The following TAF9B variants were observed in gnomAD, a reference collection of about 807,000 sequenced individuals.
TAF9B encodes the protein TATA-box binding protein associated factor 9b, also known as transcription initiation factor TFIID subunit 9B.
TAF9B carries 47 observed loss-of-function variants against 17.6 expected under a neutral mutation model. The ratio of observed to expected loss-of-function variants is 2.68; its 90% confidence interval spans 2.12 to 3.41. The LOEUF (loss-of-function observed/expected upper bound fraction) is 3.41. Ranked by LOEUF, TAF9B falls within the 30% of genes most tolerant of loss-of-function variation. TAF9B has a pLI of 0.00. For synonymous variants in TAF9B, 84 were observed against 68.7 expected, an observed-to-expected ratio of 1.22 and a Z score of -1.10; for missense variants, 218 against 189.3, an observed-to-expected ratio of 1.15 and a Z score of -0.89.
rs782620091 is a variant in TAF9B at position 78,138,885 on chromosome X, A to G, written c.91T>C (p.Tyr31His). The G allele has an allele frequency of 1.7e-6, 2 of 1,208,945 alleles. No homozygotes were observed. The highest frequency in any genetic ancestry group is 1.1e-6 in the Non-Finnish European group (1 of 892,924). ...QILKDMGITE[Y>H]EPRVINQMLE... ...ATTTGATTTATAACCCTTGGTTCAT[A>G]CTCTGTGATTCCCATATCCTTCAGG... Residue 31 changes from tyrosine to histidine, a missense_variant, in exon 2 of 7, where the codon TAT becomes CAT. By Grantham distance (83) the Tyr-to-His change is moderately conservative. Coordinates refer to ENST00000341864, the MANE Select transcript of TAF9B (RefSeq NM_015975.5).
In TAF9B at chrX:78,137,789, A is replaced by T. The variant is rs782025834; in HGVS notation, c.365T>A (p.Leu122Ter). The T allele has an allele frequency of 8.3e-7, 1 of 1,205,670 alleles. No homozygotes were observed. The highest frequency in any genetic ancestry group is 2.2e-5 in the Admixed American group (1 of 44,962). The change falls in exon 4 of 7, where the codon TTA (leucine) becomes TAA (stop). Residue 122 changes from leucine (L) to a stop codon, truncating the protein, a stop_gained. Coordinates refer to ENST00000341864, the MANE Select transcript of TAF9B (RefSeq NM_015975.5). LOFTEE classifies it high-confidence loss of function. Reference sequence around the variant, plus strand: ...CTTCAGCCTATAGTTTGGAGCTGTTAAGCAGTATCTATCAGGTGGCAGTCT... The same window carrying T: ...CTTCAGCCTATAGTTTGGAGCTGTTTAGCAGTATCTATCAGGTGGCAGTCT... The part of the protein sequence containing the change: ...GPRLPPDRYC[L>*]TAPNYRLKSL...
rs1382371722 is a variant in TAF9B at position 78,130,697 on chromosome X, A to G, written c.*913T>C. The G allele has an allele frequency of 5.3e-5, 6 of 112,846 alleles. No individual in the cohort carries two copies. The highest frequency in any genetic ancestry group is 4.6e-3 in the Middle Eastern group (1 of 218). 9.3% of individuals were successfully genotyped at this position (112,846 alleles called of 1,213,427 possible). A position where few individuals can be genotyped will look rare whatever the true frequency, so the allele number is the denominator to read the frequency against. The stretch of plus-strand genomic sequence containing the variant: ...ATCAAAACATGTTTTAAGCTACAGC[A>G]TCTCTGTTAAATTTAGAAATGTGAA... On this transcript the variant is annotated 3_prime_UTR_variant, in exon 7 of 7. Transcript: ENST00000341864.
chrX:78,139,453 G>T, intron 1 of TAF9B, 108 bp downstream of exon 1: 1 of 1,108,666 alleles, frequency 9.0e-7, no homozygotes, highest in Admixed American at 2.3e-5. Context: ...GCCCTGACTA[G>T]ACTGAAACGA....
At position 78,131,426 on chromosome X, in the gene TAF9B, T is replaced by C. The variant is rs1294434092; in HGVS notation, c.*184A>G. The C allele has an allele frequency of 5.7e-6, 2 of 351,083 alleles. No homozygotes were observed. Among genetic ancestry groups the C allele is most frequent in the Non-Finnish European group, 4.9e-6 (1 of 204,211 alleles). The allele number at this position is 351,083 out of a possible 1,213,427, so 28.9% of individuals were successfully genotyped here. A position where few individuals can be genotyped will look rare whatever the true frequency, so the allele number is the denominator to read the frequency against. ...AAACAAGTACTTAACTGTTTGTAAT[T>C]GAAGCCTACTGAAAAACACATTTGT... On this transcript the variant is annotated 3_prime_UTR_variant, in exon 7 of 7. Coordinates refer to ENST00000341864, the MANE Select transcript of TAF9B (RefSeq NM_015975.5).
At chrX:78,135,871 TATA>T (rs2078432320) in intron 5 of TAF9B, among the ~76,000 whole-genome samples, 1 of 112,036 alleles carries the variant, frequency 8.9e-6, no homozygotes, top group Non-Finnish European at 1.9e-5. Context: ...TTACAAAGAT[TATA>T]ATGCAGATTT....
At position 78,129,870 on chromosome X, in the gene TAF9B, T is replaced by C. The variant is rs1399445751; in HGVS notation, c.*1740A>G. The C allele has an allele frequency of 4.5e-5, 5 of 112,002 alleles. No individual in the cohort carries two copies. Among genetic ancestry groups the C allele is most frequent in the African/African-American group, 1.6e-4 (5 of 30,694 alleles). The allele number at this position is 112,002 out of a possible 1,213,427, so 9.2% of individuals were successfully genotyped here. ...GAACCCTCACAACAGCCCTGTGAGGTAGGCAGGGTAGGTGTTACTTTCCTA... is the reference window on the plus strand; with the variant it reads ...GAACCCTCACAACAGCCCTGTGAGGCAGGCAGGGTAGGTGTTACTTTCCTA... On this transcript the variant is annotated 3_prime_UTR_variant, in exon 7 of 7. Transcript: ENST00000341864.
At position 78,138,874 on chromosome X, in the gene TAF9B, C is replaced by G. The variant is rs782060151; in HGVS notation, c.102G>C (p.Arg34Ser). 1.7e-6 allele frequency: 2 copies of G among 1,208,273 alleles called. No individual in the cohort carries two copies. Among genetic ancestry groups the G allele is most frequent in the Non-Finnish European group, 2.2e-6 (2 of 893,403 alleles). Residue 34 changes from arginine to serine, a missense_variant, in exon 2 of 7, where the codon AGG becomes AGC. By Grantham distance (110) the Arg-to-Ser change is moderately radical (BLOSUM62 -1). Coordinates refer to ENST00000341864, the MANE Select transcript of TAF9B (RefSeq NM_015975.5). Reference sequence around the variant, plus strand: ...CAAATTCCAACATTTGATTTATAACCCTTGGTTCATACTCTGTGATTCCCA... The same window carrying G: ...CAAATTCCAACATTTGATTTATAACGCTTGGTTCATACTCTGTGATTCCCA... The part of the protein sequence containing the change: ...KDMGITEYEP[R>S]VINQMLEFAF...
chrX:78,134,496 T>A (rs1391309698), intron 5 of TAF9B, among the ~76,000 whole-genome samples: 1 of 111,991 alleles, frequency 8.9e-6, no homozygotes, highest in Non-Finnish European at 1.9e-5. Context: ...GGATGCAGGC[T>A]TTCCAATACA....
chrX:78,134,487 G>A (rs1450854488), intron 5 of TAF9B, among the ~76,000 whole-genome samples: 1 of 111,603 alleles, frequency 9.0e-6, no homozygotes, highest in Non-Finnish European at 1.9e-5. Flanking sequence ...TTCATTTGGG[G>A]ATGCAGGCTT....
rs782507510 is a variant in TAF9B at position 78,131,197 on chromosome X, T to TAAAA, written c.*412_*413insTTTT. ...AGAGATTTGGTAAAAAAAAAAAAATTAGCTAGTGACAGTAAGTAACTATAT... is the reference window on the plus strand; with the variant it reads ...AGAGATTTGGTAAAAAAAAAAAAATTAAAAAGCTAGTGACAGTAAGTAACTATAT... On this transcript the variant is annotated 3_prime_UTR_variant, in exon 7 of 7. Coordinates refer to ENST00000341864, the MANE Select transcript of TAF9B (RefSeq NM_015975.5). 0.25 allele frequency: 26,226 copies of TAAAA among 106,905 alleles called. 2,844 individuals carry two copies. Among genetic ancestry groups the TAAAA allele is most frequent in the East Asian group, 0.35 (1,169 of 3,330 alleles). 8.8% of individuals were successfully genotyped at this position (106,905 alleles called of 1,213,427 possible).
chrX:78,131,695 T>G lies in TAF9B; in HGVS notation c.671A>C (p.Asn224Thr), dbSNP rs147812216. 4.1e-6 allele frequency: 5 copies of G among 1,210,101 alleles called. No homozygotes were observed. Among genetic ancestry groups the G allele is most frequent in the Middle Eastern group, 2.3e-4 (1 of 4,346 alleles). Residue 224 changes from asparagine to threonine, a missense_variant, in exon 7 of 7, where the codon AAC (asparagine) becomes ACC (threonine). Transcript: ENST00000341864. Reference sequence around the variant, plus strand: ...GGCTGTGTTCTGTGACGAAACCATGTTGGTGGTAATAAGAATATTTTTGGG... The same window carrying G: ...GGCTGTGTTCTGTGACGAAACCATGGTGGTGGTAATAAGAATATTTTTGGG... The part of the protein sequence containing the change: ...IGPKNILITT[N>T]MVSSQNTANE...
intron 4 of TAF9B, among the ~76,000 whole-genome samples, 179 bp from the exon 5 acceptor site, chrX:78,137,169 C>A (rs950619670): frequency 8.9e-6 from 1 of 112,117 alleles, no homozygotes; most frequent in African/African-American, 3.2e-5. Flanking sequence ...ATATATACAT[C>A]TCTATCTATA....
Position 78,137,709 on chromosome X carries a change from C to G in TAF9B, c.405+40G>C, listed in dbSNP as rs147901860. The G allele has an allele frequency of 1.2e-3, 1,385 of 1,152,027 alleles. 11 individuals carry two copies. The highest frequency in any genetic ancestry group is 5.4e-4 in the East Asian group (18 of 33,369). The allele number at this position is 1,152,027 out of a possible 1,213,427, so 94.9% of individuals were successfully genotyped here. A position where few individuals can be genotyped will look rare whatever the true frequency, so the allele number is the denominator to read the frequency against. On this transcript the variant is annotated intron_variant, in intron 4 of 6. Coordinates refer to ENST00000341864, the MANE Select transcript of TAF9B (RefSeq NM_015975.5). ...TTTTCACAAAGTCCCCTATCATATT[C>G]CACCTTTTAAAAAAAGAAAAGTTGA... is the stretch of plus-strand genomic sequence containing the variant.
chrX:78,136,470 A>G (rs1557250060), intron 5 of TAF9B, among the ~76,000 whole-genome samples: 2 of 112,557 alleles, frequency 1.8e-5, no homozygotes, highest in Admixed American at 9.4e-5. Flanking sequence ...TAAAAAGGTT[A>G]GTATTAAAAA....
chrX:78,136,903 C>A lies in TAF9B; in HGVS notation c.481+12G>T, dbSNP rs1569551046. Reference sequence around the variant, plus strand: ...TTACCAGCCAGAAATGCCATTGTCTCCTCTCACTTACCTATAGTAGGAGTA... The same window carrying A: ...TTACCAGCCAGAAATGCCATTGTCTACTCTCACTTACCTATAGTAGGAGTA... On this transcript the variant is annotated intron_variant, in intron 5 of 6. Coordinates refer to ENST00000341864, the MANE Select transcript of TAF9B (RefSeq NM_015975.5). The A allele has an allele frequency of 1.7e-6, 2 of 1,177,128 alleles. No homozygotes were observed. Among genetic ancestry groups the A allele is most frequent in the Non-Finnish European group, 2.3e-6 (2 of 866,036 alleles).
At position 78,131,332 on chromosome X, in the gene TAF9B, T is replaced by C. The variant is rs1357872001; in HGVS notation, c.*278A>G. The C allele has an allele frequency of 2.0e-5, 4 of 202,998 alleles. No individual in the cohort carries two copies. The highest frequency in any genetic ancestry group is 1.8e-4 in the East Asian group (2 of 10,853). The allele number at this position is 202,998 out of a possible 1,213,427, so 16.7% of individuals were successfully genotyped here. A position where few individuals can be genotyped will look rare whatever the true frequency, so the allele number is the denominator to read the frequency against. On this transcript the variant is annotated 3_prime_UTR_variant, in exon 7 of 7. Coordinates refer to ENST00000341864, the MANE Select transcript of TAF9B (RefSeq NM_015975.5). Reference sequence around the variant, plus strand: ...GAAACTTAAATGCTACTATCAGTGATAGAAGGCAGAAAAGTGTCTCAAAAA... The same window carrying C: ...GAAACTTAAATGCTACTATCAGTGACAGAAGGCAGAAAAGTGTCTCAAAAA...
At position 78,130,606 on chromosome X, in the gene TAF9B, A is replaced by G. The variant is rs782423508; in HGVS notation, c.*1004T>C. The G allele has an allele frequency of 9.0e-6, 1 of 111,399 alleles. No homozygotes were observed. Among genetic ancestry groups the G allele is most frequent in the East Asian group, 2.8e-4 (1 of 3,595 alleles). 9.2% of individuals were successfully genotyped at this position (111,399 alleles called of 1,213,427 possible). A position where few individuals can be genotyped will look rare whatever the true frequency, so the allele number is the denominator to read the frequency against. ...CTCAAGCAGCAGTGATCAAAACATA[A>G]TATGTATGTGGTAAAAAGGAACACT... On this transcript the variant is annotated 3_prime_UTR_variant, in exon 7 of 7. Transcript: ENST00000341864.
intron 2 of TAF9B, 149 bp downstream of exon 2, chrX:78,138,694 G>A (rs181337945): frequency 3.5e-4 from 165 of 473,591 alleles, no homozygotes; most frequent in African/African-American, 9.7e-4. Context: ...GGCGGAGGCC[G>A]CAGTGAGCCA....
rs2078422091 is a variant in TAF9B, at chrX:78,133,438, T to A, written c.492A>T (p.Gln164His). 1 of 1,201,870 alleles carries A rather than the reference T, an allele frequency of 8.3e-7. No individual in the cohort carries two copies. The highest frequency in any genetic ancestry group is 1.1e-6 in the Non-Finnish European group (1 of 887,840). ...KPTTPTIATPQTVSVPNKVAT... is the reference protein window; with the variant it reads ...KPTTPTIATPHTVSVPNKVAT... ...CAACTTTATTTGGGACAGACACCGT[T>A]TGTGGGGTTGCTGTAGTTACAATAA... is the stretch of plus-strand genomic sequence containing the variant. Residue 164 changes from glutamine (Q) to histidine (H), a missense_variant, in exon 6 of 7, where the codon CAA (glutamine) becomes CAT (histidine). Physicochemically the swap from Gln to His is conservative, Grantham distance 24. Coordinates refer to ENST00000341864, the MANE Select transcript of TAF9B (RefSeq NM_015975.5).
Sources: gnomAD v4.1 joint callset for allele counts (sites outside exome capture counted in the v4.1 genomes callset) on GRCh38, gnomAD v4.1.1 for gene constraint, MANE v1.5 for transcripts, NCBI Gene and HGNC (gene_info 2026-07-23, HGNC 2026-07-21) for gene names.